The following PXDNL variants were observed in gnomAD, a reference collection of about 807,000 sequenced individuals.
The protein encoded by PXDNL is probable oxidoreductase PXDNL.
In PXDNL, 145 loss-of-function variants were observed where a neutral mutation model predicts 150.8. The observed-to-expected ratio is 0.96, with a 90% CI of 0.84 to 1.10. The LOEUF is 1.10. Among genes scored for constraint, PXDNL ranks in the 50% least tolerant of loss-of-function variants. PXDNL has a pLI of 0.00. For missense variants in PXDNL, 2,087 were observed against 1,873.9 expected, an observed-to-expected ratio of 1.11 and a Z score of -2.10; for synonymous variants, 757 against 725.7, an observed-to-expected ratio of 1.04 and a Z score of -0.69.
At chr8:51,396,766 A>G (rs986429191) in intron 17 of PXDNL, among the ~76,000 whole-genome samples, 1 of 152,180 alleles carries the variant, frequency 6.6e-6, no homozygotes, top group Non-Finnish European at 1.5e-5. Context: ...CTCAAAAATA[A>G]CGGTAATAAT....
chr8:51,408,913 T>C lies in PXDNL; in HGVS notation c.2711A>G (p.Glu904Gly). 5 of 1,610,382 alleles carry C rather than the reference T, an allele frequency of 3.1e-6. No homozygotes were observed. In the South Asian group the frequency reaches 4.4e-5, roughly 14 times the overall value. Residue 904 changes from glutamate (E) to glycine (G), a missense_variant, in exon 17 of 23, where the codon GAG (glutamate) becomes GGG (glycine). By Grantham distance (98) the Glu-to-Gly change is moderately conservative (BLOSUM62 -2). Transcript: ENST00000356297. ...IDGSNVYGSS[E>G]RESQALRDPS... Reference sequence around the variant, plus strand: ...GTCTCTGAGAGCCTGGGATTCCCGCTCCGAGCTCCCGTAAACGTTGGAGCC... The same window carrying C: ...GTCTCTGAGAGCCTGGGATTCCCGCCCCGAGCTCCCGTAAACGTTGGAGCC...
In PXDNL at chr8:51,452,925, C is replaced by CAT. The variant is rs1491430779; in HGVS notation, c.1249+593_1249+594insAT. On this transcript the variant is annotated intron_variant, in intron 10 of 22. Coordinates refer to ENST00000356297, the MANE Select transcript of PXDNL (RefSeq NM_144651.5). ...GCACACATGCACACACACACAAACG[C>CAT]ACACACACAAACACACACACACACA... Among the ~76,000 whole-genome samples the CAT allele has an allele frequency of 1.8e-3, 215 of 122,050 alleles. 1 individual carries two copies. The highest frequency in any genetic ancestry group is 6.6e-3 in the African/African-American group (199 of 30,318). 80.1% of individuals were successfully genotyped at this position (122,050 alleles called of 152,430 possible).
intron 3 of PXDNL, among the ~76,000 whole-genome samples, chr8:51,581,292 G>A (rs1813207478): frequency 6.6e-6 from 1 of 152,016 alleles, no homozygotes; most frequent in Non-Finnish European, 1.5e-5. Flanking sequence ...TTCAAGACCA[G>A]CATGGACAAC....
rs966194191 is a variant in PXDNL at position 51,653,345 on chromosome 8, G to A, written c.236+1344C>T. Among the ~76,000 whole-genome samples, 3 of 152,266 alleles carry A rather than the reference G, an allele frequency of 2.0e-5. 1 individual carries two copies. The East Asian group carries it at 5.8e-4, about 29-fold the overall frequency. On this transcript the variant is annotated intron_variant, in intron 2 of 22. Coordinates refer to ENST00000356297, the MANE Select transcript of PXDNL (RefSeq NM_144651.5). ...AGGCAGGAGAATTGCTTGAACCCGGGAGGCACAGGTTGCAGTGAGCCGAGA... is the reference window on the plus strand; with the variant it reads ...AGGCAGGAGAATTGCTTGAACCCGGAAGGCACAGGTTGCAGTGAGCCGAGA...
At chr8:51,549,629 CTGAA>C (rs1182024971) in intron 4 of PXDNL, among the ~76,000 whole-genome samples, 3 of 152,008 alleles carry the variant, frequency 2.0e-5, no homozygotes, top group Non-Finnish European at 4.4e-5. Flanking sequence ...ATTGTTCAAA[CTGAA>C]TGATGATAGT....
chr8:51,547,060 C>T lies in PXDNL; in HGVS notation c.380+9780G>A, dbSNP rs148293770. Among the ~76,000 whole-genome samples the T allele has an allele frequency of 3.5e-3, 536 of 152,286 alleles. 5 individuals are homozygous for T. Among genetic ancestry groups the T allele is most frequent in the African/African-American group, 0.013 (521 of 41,560 alleles). On this transcript the variant is annotated intron_variant, in intron 4 of 22. Coordinates refer to ENST00000356297, the MANE Select transcript of PXDNL (RefSeq NM_144651.5). ...TGCCCCCACCTGATGGTTTTCTCTA[C>T]CTGCCCTTATAGCCAAAGGCAAAAG...
At chr8:51,467,677 C>T (rs1027545640) in intron 8 of PXDNL, among the ~76,000 whole-genome samples, 13 of 152,020 alleles carry the variant, frequency 8.6e-5, no homozygotes, top group African/African-American at 3.1e-4. Flanking sequence ...TTCATCAAGT[C>T]ATTGTCTTGC....
chr8:51,439,193 T>C (rs376703003), intron 12 of PXDNL, among the ~76,000 whole-genome samples: 12 of 152,060 alleles, frequency 7.9e-5, no homozygotes, highest in African/African-American at 2.4e-4. Context: ...AGGACTAATA[T>C]CCAGAATCTA....
intron 5 of PXDNL, among the ~76,000 whole-genome samples, chr8:51,494,258 C>T (rs1036743521): frequency 1.4e-4 from 21 of 151,846 alleles, no homozygotes; most frequent in African/African-American, 4.4e-4. Context: ...CCAGGCCTGC[C>T]CTAAAAGAGC....
At chr8:51,482,690 G>A (rs1359600990) in intron 6 of PXDNL, among the ~76,000 whole-genome samples, 1 of 152,154 alleles carries the variant, frequency 6.6e-6, no homozygotes, top group Non-Finnish European at 1.5e-5. Flanking sequence ...AGATCTGATG[G>A]TTTTATAAAC....
chr8:51,614,346 T>C (rs1585622432), intron 2 of PXDNL, among the ~76,000 whole-genome samples: 2 of 152,240 alleles, frequency 1.3e-5, no homozygotes, highest in East Asian at 3.9e-4. Context: ...AAACAGACTG[T>C]AACCTACTCT....
intron 17 of PXDNL, among the ~76,000 whole-genome samples, chr8:51,382,544 T>C (rs1807580767): frequency 6.6e-6 from 1 of 152,232 alleles, no homozygotes; most frequent in South Asian, 2.1e-4. Context: ...TGCTTATTTT[T>C]AGTATAATGT....
intron 10 of PXDNL, among the ~76,000 whole-genome samples, chr8:51,450,885 G>C (rs139625213): frequency 6.6e-6 from 1 of 152,086 alleles, no homozygotes; most frequent in South Asian, 2.1e-4. Context: ...AATCTGGGCC[G>C]CTCAACCCCC....
chr8:51,804,472 T>A (rs2037655157), intron 1 of PXDNL, among the ~76,000 whole-genome samples: 1 of 152,206 alleles, frequency 6.6e-6, no homozygotes, highest in Admixed American at 6.5e-5. Flanking sequence ...TCACTGTCTT[T>A]GTTGCCCATC....
intron 4 of PXDNL, among the ~76,000 whole-genome samples, chr8:51,517,229 G>A (rs1459933099): frequency 6.6e-6 from 1 of 152,012 alleles, no homozygotes; most frequent in African/African-American, 2.4e-5. Context: ...GTGATACCCA[G>A]GCAGTGTTAT....
At chr8:51,800,065 T>C (rs895253019) in intron 1 of PXDNL, among the ~76,000 whole-genome samples, 1 of 152,076 alleles carries the variant, frequency 6.6e-6, no homozygotes, top group African/African-American at 2.4e-5. Flanking sequence ...ACAGGTGAGG[T>C]AGTAAGTGAG....
intron 4 of PXDNL, among the ~76,000 whole-genome samples, chr8:51,519,297 T>C (rs1398722215): frequency 2.6e-5 from 4 of 151,974 alleles, no homozygotes; most frequent in Non-Finnish European, 4.4e-5. Flanking sequence ...ATCCCAGAAC[T>C]TGGGAGGCTG....
At chr8:51,744,964 G>GAA (rs370390755) in intron 1 of PXDNL, among the ~76,000 whole-genome samples, 1 of 22,742 alleles carries the variant, frequency 4.4e-5, no homozygotes, top group African/African-American at 1.3e-4. Flanking sequence ...AAGAAAGAAA[G>GAA]AAAGAAAGAA....
chr8:51,468,652 A>C (rs1810255952), intron 8 of PXDNL, among the ~76,000 whole-genome samples: 1 of 151,758 alleles, frequency 6.6e-6, no homozygotes, highest in Non-Finnish European at 1.5e-5. Context: ...TTTTTAATCC[A>C]TCCCTGCTTC....
Sources: gnomAD v4.1 joint callset for allele counts (sites outside exome capture counted in the v4.1 genomes callset) on GRCh38, gnomAD v4.1.1 for gene constraint, MANE v1.5 for transcripts, NCBI Gene and HGNC (gene_info 2026-07-23, HGNC 2026-07-21) for gene names.